Variants in SCPEP1 observed in about 807,000 individuals in gnomAD.
SCPEP1 encodes the protein retinoid-inducible serine carboxypeptidase.
In SCPEP1, 51 loss-of-function variants were observed where a neutral mutation model predicts 63.8. That is an observed-to-expected ratio of 0.80 (90% CI 0.64 to 1.01). The LOEUF is 1.01. Among genes scored for constraint, SCPEP1 ranks in the 50% least tolerant of loss-of-function variants. The pLI, the probability that SCPEP1 is intolerant of heterozygous loss-of-function variation, is 0.00. For missense variants in SCPEP1, 499 were observed against 554.9 expected (o/e 0.90, Z 1.01); for synonymous variants, 204 against 207.8 (o/e 0.98, Z 0.16).
At chr17:56,991,203 TC>T (rs1257375062) in intron 6 of SCPEP1, 32 bp downstream of exon 6, 1 of 1,529,052 alleles carries the variant, frequency 6.5e-7, no homozygotes, top group Non-Finnish European at 9.1e-7. Flanking sequence ...ATTTTTTCAC[TC>T]CCCTTTTGCC....
intron 2 of SCPEP1, chr17:56,985,017 A>T (rs1377175630): frequency 4.0e-6 from 1 of 249,596 alleles, no homozygotes; most frequent in African/African-American, 2.3e-5. Context: ...AGGCGGGAGG[A>T]TCACTTGAAC....
intron 7 of SCPEP1, 23 bp downstream of exon 7, chr17:56,995,041 C>A (rs1250220751): frequency 1.2e-6 from 2 of 1,605,444 alleles, no homozygotes; most frequent in Non-Finnish European, 1.7e-6. Context: ...ACATCTGCAC[C>A]CTCTGGGCAA....
In SCPEP1 at chr17:56,991,166, C is replaced by G; in HGVS notation, c.614C>G (p.Pro205Arg). Reference protein sequence around the residue: ...GVALGDSWISPVDSVLSWGPY... With the variant: ...GVALGDSWISRVDSVLSWGPY... ...GCCTTGGGTGATTCCTGGATCTCCC[C>G]TGTTGGTAAGTGTGGCATTTTCAGG... Residue 205 changes from proline to arginine, a missense_variant, in exon 6 of 13, where the codon CCT (proline) becomes CGT (arginine). Coordinates refer to ENST00000262288, the MANE Select transcript of SCPEP1 (RefSeq NM_021626.3). 1 of 1,612,916 alleles carries G rather than the reference C, an allele frequency of 6.2e-7. No individual in the cohort carries two copies. The highest frequency in any genetic ancestry group is 8.5e-7 in the Non-Finnish European group (1 of 1,178,954).
chr17:57,002,043 G>T lies in SCPEP1; in HGVS notation c.1158G>T (p.Leu386=), dbSNP rs1911753499. The T allele has an allele frequency of 1.2e-6, 2 of 1,614,032 alleles. No individual in the cohort carries two copies. Among genetic ancestry groups the T allele is most frequent in the Non-Finnish European group, 1.7e-6 (2 of 1,180,034 alleles). Residue 386 remains leucine (L), a synonymous_variant, in exon 12 of 13, where the codon CTG becomes CTT. Coordinates refer to ENST00000262288, the MANE Select transcript of SCPEP1 (RefSeq NM_021626.3). ...GTCAGGAGGCCTGGGTGCGGAAACT[G>T]AAGTGGCCAGAACTGCCTAAATTCA... ...TMGQEAWVRK[L]KWPELPKFSQ... is the part of the protein sequence containing the mutation.
At chr17:56,995,702 T>G in intron 8 of SCPEP1, 67 bp downstream of exon 8, 8 of 1,535,058 alleles carry the variant, frequency 5.2e-6, no homozygotes, top group Non-Finnish European at 7.0e-6. Context: ...GGCCCATGGT[T>G]GGTGTTGTCA....
At chr17:57,005,764 T>C (rs1187375211) in intron 12 of SCPEP1, among the ~76,000 whole-genome samples, 1 of 152,200 alleles carries the variant, frequency 6.6e-6, no homozygotes, top group Admixed American at 6.5e-5. Context: ...TGCTGTGAGC[T>C]CCCTTCTCAG....
chr17:56,988,090 T>TGG, intron 4 of SCPEP1, 126 bp from the exon 5 acceptor site: 1 of 803,944 alleles, frequency 1.2e-6, no homozygotes, highest in East Asian at 2.6e-5. Context: ...TATGGAGTGG[T>TGG]GGGGGAGGAA....
chr17:56,980,140 GAT>G (rs1567862373), intron 1 of SCPEP1, among the ~76,000 whole-genome samples: 1 of 151,806 alleles, frequency 6.6e-6, no homozygotes, highest in African/African-American at 2.4e-5. Flanking sequence ...TTTGAGATAG[GAT>G]CTCCCTCTGT....
chr17:56,986,104 T>C (rs1027791399), intron 3 of SCPEP1, among the ~76,000 whole-genome samples: 9 of 152,118 alleles, frequency 5.9e-5, no homozygotes, highest in African/African-American at 1.9e-4. Flanking sequence ...GGCTTGTGGC[T>C]GTTCCTCTCT....
In SCPEP1 at chr17:57,002,112, G is replaced by A. The variant is rs768527155; in HGVS notation, c.1227G>A (p.Leu409=). 4.3e-6 allele frequency: 7 copies of A among 1,614,162 alleles called. No individual in the cohort carries two copies. The highest frequency in any genetic ancestry group is 5.9e-6 in the Non-Finnish European group (7 of 1,180,008). Residue 409 remains leucine, a synonymous_variant, in exon 12 of 13, where the codon TTG becomes TTA. Transcript: ENST00000262288. ...WKALYSDPKS[L]ETSAFVKSYK... is the part of the protein sequence containing the mutation. ...CCCTGTACAGTGACCCTAAATCTTTGGAAACATCTGCTTTTGTCAAGTCCT... is the reference window on the plus strand; with the variant it reads ...CCCTGTACAGTGACCCTAAATCTTTAGAAACATCTGCTTTTGTCAAGTCCT...
chr17:56,984,188 G>A (rs1911148807), intron 2 of SCPEP1: 1 of 152,660 alleles, frequency 6.6e-6, no homozygotes, highest in Admixed American at 6.5e-5. Flanking sequence ...AAAGTGCTGG[G>A]ATTACAGGCG....
chr17:56,980,605 A>G (rs1338601653), intron 1 of SCPEP1, among the ~76,000 whole-genome samples: 1 of 152,110 alleles, frequency 6.6e-6, no homozygotes, highest in Non-Finnish European at 1.5e-5. Flanking sequence ...CCTGACCAAC[A>G]TGGAGAAACC....
chr17:56,996,352 G>T (rs890334717), intron 8 of SCPEP1, among the ~76,000 whole-genome samples: 1 of 151,072 alleles, frequency 6.6e-6, no homozygotes, highest in Non-Finnish European at 1.5e-5. Context: ...TAATTGGCAC[G>T]CACCACCGCA....
chr17:56,983,164 GTT>G (rs1368791231), intron 2 of SCPEP1: 1 of 152,182 alleles, frequency 6.6e-6, no homozygotes, highest in Non-Finnish European at 1.5e-5. Flanking sequence ...CAAAAAAGAG[GTT>G]TTACAATAGG....
intron 2 of SCPEP1, among the ~76,000 whole-genome samples, chr17:56,982,142 A>T (rs1383065865): frequency 6.6e-6 from 1 of 151,718 alleles, no homozygotes; most frequent in Non-Finnish European, 1.5e-5. Context: ...GAGATGGCCC[A>T]CCCCCACCCG....
intron 3 of SCPEP1, among the ~76,000 whole-genome samples, chr17:56,986,550 G>GT (rs1298633278): frequency 9.7e-5 from 13 of 134,172 alleles, no homozygotes; most frequent in African/African-American, 1.4e-4. Flanking sequence ...TTTTTTTTCT[G>GT]TTTTTTTGTT....
rs185900524 is a variant in SCPEP1 at position 56,986,181 on chromosome 17, C to T, written c.315+714C>T. Among the ~76,000 whole-genome samples the T allele has an allele frequency of 3.3e-5, 5 of 152,230 alleles. No individual in the cohort carries two copies. The East Asian group carries it at 7.8e-4, about 24-fold the overall frequency. On this transcript the variant is annotated intron_variant, in intron 3 of 12. Transcript: ENST00000262288. The stretch of plus-strand genomic sequence containing the variant: ...TTCTCCACTTTCCTCAGTGCTCCTC[C>T]TCCAGCCTCCCTCTCGCATTAGAAG...
chr17:56,985,005 T>C (rs1911172550), intron 2 of SCPEP1: 3 of 236,160 alleles, frequency 1.3e-5, no homozygotes, highest in Admixed American at 5.1e-5. Flanking sequence ...TTGAGGGGGC[T>C]GAGGCGGGAG....
Position 56,991,117 on chromosome 17 carries a change from A to C in SCPEP1, c.565A>C (p.Ile189Leu). 4.3e-6 allele frequency: 7 copies of C among 1,614,042 alleles called. No homozygotes were observed. The highest frequency in any genetic ancestry group is 5.9e-6 in the Non-Finnish European group (7 of 1,179,916). ...ELYKAIQRGT[I>L]KCNFAGVALG... ...CTTTCAGGCCATTCAGCGAGGGACC[A>C]TCAAGTGCAACTTTGCGGGGGTTGC... The change falls in exon 6 of 13, where the codon ATC becomes CTC. Residue 189 changes from isoleucine to leucine, a missense_variant. Coordinates refer to ENST00000262288, the MANE Select transcript of SCPEP1 (RefSeq NM_021626.3).
Sources: allele counts gnomAD v4.1 joint callset (sites outside exome capture counted in the v4.1 genomes callset), GRCh38; gene constraint gnomAD v4.1.1; transcripts MANE v1.5; gene names NCBI Gene and HGNC (gene_info 2026-07-23, HGNC 2026-07-21).